PARD3B: variants seen among roughly 807,000 people sequenced by gnomAD.
PARD3B encodes the protein partitioning defective 3 homolog B.
In PARD3B, 103 loss-of-function variants were observed where a neutral mutation model predicts 130.2. That is an observed-to-expected ratio of 0.79 (90% CI 0.67 to 0.93). PARD3B has a LOEUF of 0.93. Ranked by LOEUF, PARD3B falls within the 40% of genes least tolerant of loss-of-function variation. The pLI, the probability that PARD3B is intolerant of heterozygous loss-of-function variation, is 0.00. For missense variants in PARD3B, 1,609 were observed against 1,499.2 expected, an observed-to-expected ratio of 1.07 and a Z score of -1.21; for synonymous variants, 583 against 553.2, an observed-to-expected ratio of 1.05 and a Z score of -0.76.
intron 3 of PARD3B, among the ~76,000 whole-genome samples, chr2:205,008,566 AT>A (rs1445973805): frequency 1.3e-5 from 2 of 152,146 alleles, no homozygotes; most frequent in Non-Finnish European, 2.9e-5. Context: ...TTGCTCTACT[AT>A]TAGATTTATA....
chr2:205,297,081 G>A (rs1403450915), intron 16 of PARD3B, among the ~76,000 whole-genome samples: 10 of 151,956 alleles, frequency 6.6e-5, no homozygotes, highest in Middle Eastern at 3.4e-3. Context: ...GGGAGGATCC[G>A]TTCTTCTCGA....
chr2:205,205,619 C>T (rs2037244862), intron 15 of PARD3B, among the ~76,000 whole-genome samples: 1 of 152,086 alleles, frequency 6.6e-6, no homozygotes, highest in South Asian at 2.1e-4. Flanking sequence ...AGATACATTC[C>T]ATCAATACCT....
rs1043598548 is a variant in PARD3B, at chr2:205,160,852, T to C, written c.1620+1945T>C. Reference sequence around the variant, plus strand: ...CTGTGGTCAGATAGCCAGGAATTACTTTAAGATTTGAATCCAGGCAGTCTG... The same window carrying C: ...CTGTGGTCAGATAGCCAGGAATTACCTTAAGATTTGAATCCAGGCAGTCTG... On this transcript the variant is annotated intron_variant, in intron 11 of 22. Coordinates refer to ENST00000406610, the MANE Select transcript of PARD3B (RefSeq NM_001302769.2). The surrounding 1 kb of genome is among the most constrained non-coding windows in gnomAD (Gnocchi z 4.0). Among the ~76,000 whole-genome samples the C allele has an allele frequency of 1.3e-5, 2 of 152,186 alleles. No individual in the cohort carries two copies. The highest frequency in any genetic ancestry group is 2.9e-5 in the Non-Finnish European group (2 of 68,038).
intron 16 of PARD3B, among the ~76,000 whole-genome samples, chr2:205,275,297 G>C (rs949475151): frequency 6.6e-6 from 1 of 151,978 alleles, no homozygotes; most frequent in African/African-American, 2.4e-5. Flanking sequence ...GAAGACGAAA[G>C]ATAATGAAAA....
chr2:205,089,665 A>C (rs957047726), intron 4 of PARD3B, among the ~76,000 whole-genome samples: 1 of 152,194 alleles, frequency 6.6e-6, no homozygotes, highest in Non-Finnish European at 1.5e-5. Context: ...GGCAAATCTG[A>C]GTCCAAAATC....
At position 205,146,486 on chromosome 2, in the gene PARD3B, A is replaced by G. The variant is rs1458635753; in HGVS notation, c.1435-12236A>G. Among the ~76,000 whole-genome samples the G allele has an allele frequency of 2.0e-5, 3 of 151,816 alleles. No individual in the cohort carries two copies. The highest frequency in any genetic ancestry group is 7.3e-5 in the African/African-American group (3 of 41,372). On this transcript the variant is annotated intron_variant, in intron 10 of 22. Transcript: ENST00000406610. The surrounding 1 kb of genome is among the most constrained non-coding windows in gnomAD (Gnocchi z 4.3). Reference sequence around the variant, plus strand: ...AACACGGCAAAACCCCGTCTCTACTAAAAATACAAAAACATTTATCTGGGC... The same window carrying G: ...AACACGGCAAAACCCCGTCTCTACTGAAAATACAAAAACATTTATCTGGGC...
At chr2:204,607,211 C>T (rs555234547) in intron 1 of PARD3B, among the ~76,000 whole-genome samples, 14 of 152,128 alleles carry the variant, frequency 9.2e-5, no homozygotes, top group African/African-American at 3.4e-4. Context: ...AAGATGGTAT[C>T]CCAAAGGAAA....
At chr2:204,971,720 A>C (rs1179813098) in intron 3 of PARD3B, among the ~76,000 whole-genome samples, 3 of 152,020 alleles carry the variant, frequency 2.0e-5, no homozygotes, top group African/African-American at 7.2e-5. Flanking sequence ...CCATATAGTC[A>C]ACAAAGTGTG....
intron 22 of PARD3B, among the ~76,000 whole-genome samples, chr2:205,583,400 T>TGTGTGTGTGTGCGC (rs1192785640): frequency 1.5e-5 from 2 of 133,994 alleles, no homozygotes; most frequent in East Asian, 2.1e-4. Context: ...TGTGTGTGTG[T>TGTGTGTGTGTGCGC]GCGCGCGCAC....
chr2:204,588,978 A>T (rs1378895271), intron 1 of PARD3B, among the ~76,000 whole-genome samples: 2 of 150,392 alleles, frequency 1.3e-5, no homozygotes, highest in Non-Finnish European at 2.9e-5. Context: ...GCTCTTCAGG[A>T]TGCCACATTA....
At chr2:205,212,518 C>T (rs2125851848) in intron 15 of PARD3B, among the ~76,000 whole-genome samples, 1 of 152,108 alleles carries the variant, frequency 6.6e-6, no homozygotes, top group East Asian at 1.9e-4. Context: ...GAAGGATTGC[C>T]AACAAGCTGG....
At chr2:204,577,135 G>T (rs1264665902) in intron 1 of PARD3B, among the ~76,000 whole-genome samples, 1 of 152,102 alleles carries the variant, frequency 6.6e-6, no homozygotes, top group African/African-American at 2.4e-5. Context: ...TCTTTGTACT[G>T]CAGGCTAGAG....
rs562465347 is a variant in PARD3B at position 205,473,818 on chromosome 2, G to C, written c.3045-26078G>C. 6.7e-6 allele frequency among the ~76,000 whole-genome samples: 1 copy of C among 149,956 alleles called. No homozygotes were observed. Among genetic ancestry groups the C allele is most frequent in the East Asian group, 1.9e-4 (1 of 5,130 alleles). On this transcript the variant is annotated intron_variant, in intron 20 of 22. Transcript: ENST00000406610. The surrounding 1 kb of genome is among the most constrained non-coding windows in gnomAD (Gnocchi z 4.9). The stretch of plus-strand genomic sequence containing the variant: ...CAGTTCAACCTGTTGTCTTACGAAA[G>C]GGGAGATATTCTTTTCTTTGTTACG...
chr2:204,633,056 T>C (rs867397367), intron 1 of PARD3B, among the ~76,000 whole-genome samples: 1 of 152,192 alleles, frequency 6.6e-6, no homozygotes, highest in South Asian at 2.1e-4. Flanking sequence ...GTTTGGATAG[T>C]TCTCCAAAAT....
chr2:205,295,383 TATA>T (rs1436736732), intron 16 of PARD3B, among the ~76,000 whole-genome samples: 1 of 152,214 alleles, frequency 6.6e-6, no homozygotes, highest in Non-Finnish European at 1.5e-5. Flanking sequence ...TGGATGGCAT[TATA>T]ATAATCTTGA....
chr2:204,876,986 G>A (rs2045869123), intron 2 of PARD3B, among the ~76,000 whole-genome samples: 1 of 152,080 alleles, frequency 6.6e-6, no homozygotes, highest in Admixed American at 6.6e-5. Context: ...CTAGATCCCT[G>A]AGGAATCGCC....
intron 18 of PARD3B, among the ~76,000 whole-genome samples, chr2:205,343,900 A>G (rs2043643674): frequency 6.6e-6 from 1 of 152,190 alleles, no homozygotes; most frequent in Non-Finnish European, 1.5e-5. Flanking sequence ...AGGATGTTTT[A>G]ATATACTATG....
At chr2:205,215,554 T>A (rs2037863548) in intron 15 of PARD3B, among the ~76,000 whole-genome samples, 1 of 152,102 alleles carries the variant, frequency 6.6e-6, no homozygotes, top group Non-Finnish European at 1.5e-5. Context: ...AAGAAATTTA[T>A]TTGGGACATA....
intron 4 of PARD3B, among the ~76,000 whole-genome samples, chr2:205,077,136 C>T (rs556004436): frequency 1.8e-4 from 28 of 152,030 alleles, no homozygotes; most frequent in Admixed American, 1.8e-3. Context: ...ATATATATCT[C>T]TCTCAAGATT....
Sources: gnomAD v4.1 joint callset for allele counts (sites outside exome capture counted in the v4.1 genomes callset) on GRCh38, gnomAD v4.1.1 for gene constraint, Gnocchi (gnomAD v3.1) non-coding constraint, MANE v1.5 for transcripts, NCBI Gene and HGNC (gene_info 2026-07-23, HGNC 2026-07-21) for gene names.